Variants in PLBD1 observed in about 807,000 individuals in gnomAD.
PLBD1 encodes lysosomal leucine aminopeptidase.
In PLBD1, 60 loss-of-function variants were observed where a neutral mutation model predicts 63.0. The observed-to-expected ratio is 0.95, with a 90% confidence interval of 0.77 to 1.18. PLBD1 has a LOEUF of 1.18. Among genes scored for constraint, PLBD1 ranks in the 50% most tolerant of loss-of-function variants. PLBD1 has a pLI of 0.00. For synonymous variants in PLBD1, 262 were observed against 248.0 expected, an observed-to-expected ratio of 1.06 and a Z score of -0.53; for missense variants, 598 against 677.9, an observed-to-expected ratio of 0.88 and a Z score of 1.31.
intron 6 of PLBD1, among the ~76,000 whole-genome samples, chr12:14,519,770 G>C (rs1455102854): frequency 6.6e-6 from 1 of 152,124 alleles, no homozygotes; most frequent in Non-Finnish European, 1.5e-5. Context: ...TCAGCTTCTA[G>C]AACTGTGAGA....
Position 14,544,355 on chromosome 12 carries a change from G to A in PLBD1, c.336-2064C>T, listed in dbSNP as rs570629681. On this transcript the variant is annotated intron_variant, in intron 2 of 10. Coordinates refer to ENST00000240617, the MANE Select transcript of PLBD1 (RefSeq NM_024829.6). ...TGCCTGGCTAATTTTTGTATTTTTA[G>A]TAGAGATGGGGTTTTGCCATATTGG... Among the ~76,000 whole-genome samples the A allele has an allele frequency of 2.9e-4, 44 of 152,240 alleles. No individual in the cohort carries two copies. In the Middle Eastern group the frequency reaches 0.01, roughly 35 times the overall value.
intron 1 of PLBD1, among the ~76,000 whole-genome samples, chr12:14,566,807 A>C (rs1430925346): frequency 3.3e-5 from 5 of 151,786 alleles, no homozygotes; most frequent in Admixed American, 6.6e-5. Flanking sequence ...AAAAAAAAAA[A>C]AAAAACTGCC....
intron 1 of PLBD1, among the ~76,000 whole-genome samples, chr12:14,565,617 G>A (rs756409528): frequency 6.6e-6 from 1 of 152,136 alleles, no homozygotes; most frequent in Non-Finnish European, 1.5e-5. Flanking sequence ...TCAGGGTACT[G>A]AGCTGGGTAC....
At chr12:14,542,362 C>T in intron 2 of PLBD1, 71 bp from the exon 3 acceptor site, 2 of 1,230,746 alleles carry the variant, frequency 1.6e-6, no homozygotes, top group Non-Finnish European at 2.4e-6. Context: ...GTAAATTATT[C>T]AATCATTTGG....
chr12:14,525,921 G>A (rs1170469463), intron 6 of PLBD1, among the ~76,000 whole-genome samples: 1 of 152,074 alleles, frequency 6.6e-6, no homozygotes, highest in East Asian at 1.9e-4. Context: ...TTAACTTTAT[G>A]CAAATTGTGA....
At position 14,536,582 on chromosome 12, in the gene PLBD1, G is replaced by A. The variant is rs758116836; in HGVS notation, c.687C>T (p.Ser229=). The change falls in exon 5 of 11, where the codon TCC becomes TCT. Residue 229 remains serine (S), a synonymous_variant. Coordinates refer to ENST00000240617, the MANE Select transcript of PLBD1 (RefSeq NM_024829.6). ...VFKRWDMGHC[S]ALIKVLPGFE... is the part of the protein sequence containing the mutation. ...TGCTATGTCTTACCTTGATAAGAGCGGAGCAATGTCCCATGTCCCATCTCT... is the reference window on the plus strand; with the variant it reads ...TGCTATGTCTTACCTTGATAAGAGCAGAGCAATGTCCCATGTCCCATCTCT... 47 of 1,613,976 alleles carry A rather than the reference G, an allele frequency of 2.9e-5. No individual in the cohort carries two copies. Among genetic ancestry groups the A allele is most frequent in the Middle Eastern group, 1.6e-4 (1 of 6,084 alleles).
chr12:14,506,844 G>T, intron 9 of PLBD1, 89 bp downstream of exon 9: 1 of 1,174,272 alleles, frequency 8.5e-7, no homozygotes. Flanking sequence ...ATTCCTTCTA[G>T]TACAGAGATG....
At chr12:14,510,104 C>A (rs1475930914) in intron 8 of PLBD1, among the ~76,000 whole-genome samples, 1 of 152,054 alleles carries the variant, frequency 6.6e-6, no homozygotes, top group African/African-American at 2.4e-5. Flanking sequence ...TACATGGTGT[C>A]TCTAAGAGGA....
intron 1 of PLBD1, chr12:14,554,369 T>C (rs1945684299): frequency 3.3e-5 from 5 of 152,214 alleles, no homozygotes; most frequent in Admixed American, 2.6e-4. Flanking sequence ...CCCTTTGGCA[T>C]AGTTAACATG....
intron 4 of PLBD1, 41 bp downstream of exon 4, chr12:14,540,723 C>T: frequency 6.6e-7 from 1 of 1,513,320 alleles, no homozygotes; most frequent in Non-Finnish European, 8.9e-7. Context: ...AATATTCTTA[C>T]CATACTCTAT....
chr12:14,527,197 C>A (rs1207500418), intron 6 of PLBD1, among the ~76,000 whole-genome samples: 1 of 152,080 alleles, frequency 6.6e-6, no homozygotes, highest in Non-Finnish European at 1.5e-5. Flanking sequence ...ATTTATATTG[C>A]AGATATTAAT....
At chr12:14,564,327 C>T (rs1176884821) in intron 1 of PLBD1, among the ~76,000 whole-genome samples, 1 of 152,082 alleles carries the variant, frequency 6.6e-6, no homozygotes, top group Non-Finnish European at 1.5e-5. Flanking sequence ...AACTTTTTGA[C>T]AACCAGATAA....
intron 1 of PLBD1, among the ~76,000 whole-genome samples, chr12:14,557,219 C>T (rs571343144): frequency 3.3e-5 from 5 of 152,204 alleles, no homozygotes; most frequent in Admixed American, 6.5e-5. Flanking sequence ...TATACACTGT[C>T]GGTGACAGTG....
chr12:14,545,781 G>A (rs2136927176), intron 2 of PLBD1, among the ~76,000 whole-genome samples: 1 of 151,694 alleles, frequency 6.6e-6, no homozygotes, highest in Non-Finnish European at 1.5e-5. Context: ...TTTATTTTAT[G>A]GTCCTGGAAT....
At chr12:14,565,904 T>C (rs570529559) in intron 1 of PLBD1, among the ~76,000 whole-genome samples, 15 of 152,292 alleles carry the variant, frequency 9.8e-5, no homozygotes, top group Non-Finnish European at 1.5e-4. Context: ...CTTTCTGCCT[T>C]GGCTCCAGAA....
At chr12:14,538,976 C>A (rs1337009806) in intron 4 of PLBD1, among the ~76,000 whole-genome samples, 3 of 152,084 alleles carry the variant, frequency 2.0e-5, no homozygotes, top group African/African-American at 7.2e-5. Flanking sequence ...CAGCTGAGAT[C>A]AACCACTGCC....
chr12:14,514,718 T>G (rs2136907746), intron 6 of PLBD1, among the ~76,000 whole-genome samples: 1 of 151,988 alleles, frequency 6.6e-6, no homozygotes, highest in South Asian at 2.1e-4. Flanking sequence ...TTTCTTTGAC[T>G]ACATACAATT....
intron 4 of PLBD1, among the ~76,000 whole-genome samples, chr12:14,540,420 T>C (rs1040134167): frequency 7.2e-5 from 11 of 151,928 alleles, no homozygotes; most frequent in Non-Finnish European, 1.2e-4. Flanking sequence ...ATAGAACTTG[T>C]ATACTTAAAC....
At chr12:14,563,788 C>T (rs1223526343) in intron 1 of PLBD1, among the ~76,000 whole-genome samples, 1 of 152,052 alleles carries the variant, frequency 6.6e-6, no homozygotes, top group Non-Finnish European at 1.5e-5. Flanking sequence ...TGGAGTCAGG[C>T]TTCAAACACA....
Sources: gnomAD v4.1 joint callset for allele counts (sites outside exome capture counted in the v4.1 genomes callset) on GRCh38, gnomAD v4.1.1 for gene constraint, MANE v1.5 for transcripts, NCBI Gene and HGNC (gene_info 2026-07-23, HGNC 2026-07-21) for gene names.